The following ARHGEF3 variants were observed in gnomAD, a reference collection of about 807,000 sequenced individuals.
ARHGEF3 encodes Rho guanine nucleotide exchange factor 3, also known as 59.8 kDA protein.
ARHGEF3 carries 28 observed loss-of-function variants against 63.2 expected under a neutral mutation model. That is an observed-to-expected ratio of 0.44 (90% confidence interval 0.33 to 0.61). ARHGEF3 has a LOEUF of 0.61. Ranked by LOEUF, ARHGEF3 falls within the 20% of genes least tolerant of loss-of-function variation. ARHGEF3 has a pLI of 0.03. For synonymous variants in ARHGEF3, 266 were observed against 254.2 expected (o/e 1.05, Z -0.44); for missense variants, 533 against 659.3 (o/e 0.81, Z 2.10).
chr3:57,031,636 T>C (rs1004036092), intron 2 of ARHGEF3, among the ~76,000 whole-genome samples: 14 of 152,220 alleles, frequency 9.2e-5, no homozygotes, highest in African/African-American at 2.9e-4. Context: ...GTGCATACAA[T>C]AGTATTCAAT....
intron 4 of ARHGEF3, among the ~76,000 whole-genome samples, chr3:56,876,603 C>A (rs895958237): frequency 1.3e-5 from 2 of 152,118 alleles, no homozygotes; most frequent in South Asian, 2.1e-4. Context: ...GCACTGAGAG[C>A]TGTGAGCACA....
chr3:56,949,391 A>T (rs1051619735), intron 3 of ARHGEF3, among the ~76,000 whole-genome samples: 4 of 152,020 alleles, frequency 2.6e-5, no homozygotes, highest in South Asian at 2.1e-4. Context: ...CCATCGTCTC[A>T]GCCCAAAATC....
intron 1 of ARHGEF3, among the ~76,000 whole-genome samples, chr3:56,784,198 T>A (rs2036689264): frequency 6.6e-6 from 1 of 152,194 alleles, no homozygotes. Flanking sequence ...GAGTTCAACC[T>A]CCTTAAAAAT....
chr3:56,753,658 AT>A, intron 3 of ARHGEF3, 92 bp from the exon 4 acceptor site: 1 of 1,061,194 alleles, frequency 9.4e-7, no homozygotes, highest in East Asian at 2.4e-5. Flanking sequence ...AAAACCCCAA[AT>A]TTACATATTT....
At chr3:56,944,239 T>C (rs141531502) in intron 3 of ARHGEF3, among the ~76,000 whole-genome samples, 106 of 152,238 alleles carry the variant, frequency 7.0e-4, no homozygotes, top group Admixed American at 1.2e-3. Flanking sequence ...ATAGACAGTG[T>C]TTCCTCTGGT....
upstream of ARHGEF3, chr3:56,802,064 C>A (rs547741339): frequency 3.1e-6 from 4 of 1,278,226 alleles, no homozygotes; most frequent in East Asian, 1.3e-4. Context: ...CGTGCCGCAG[C>A]GCGGACACCT....
intron 6 of ARHGEF3, among the ~76,000 whole-genome samples, chr3:56,747,053 G>A (rs1002440938): frequency 2.8e-4 from 37 of 131,546 alleles, no homozygotes; most frequent in African/African-American, 6.2e-4. Context: ...ATACATGCGC[G>A]CACACACACA....
chr3:56,929,976 C>A (rs1290320392), intron 3 of ARHGEF3, among the ~76,000 whole-genome samples: 2 of 152,136 alleles, frequency 1.3e-5, no homozygotes, highest in African/African-American at 4.8e-5. Flanking sequence ...TCACCGATGA[C>A]CCTCTCCCAC....
intron 4 of ARHGEF3, among the ~76,000 whole-genome samples, chr3:56,876,811 C>A (rs1300988593): frequency 6.6e-6 from 1 of 152,224 alleles, no homozygotes; most frequent in East Asian, 1.9e-4. Flanking sequence ...CCATCGCCAC[C>A]AGCTCCATCC....
intron 2 of ARHGEF3, among the ~76,000 whole-genome samples, chr3:56,983,438 G>A (rs1394927477): frequency 6.6e-6 from 1 of 152,184 alleles, no homozygotes; most frequent in African/African-American, 2.4e-5. Context: ...CAGAGTTGGT[G>A]ATCCCTGGCC....
intron 2 of ARHGEF3, among the ~76,000 whole-genome samples, chr3:56,995,848 T>C (rs1211490673): frequency 2.0e-5 from 3 of 152,164 alleles, no homozygotes; most frequent in African/African-American, 7.2e-5. Context: ...GAGGACTCCT[T>C]TAGTCTAGTT....
rs191293958 is a variant in ARHGEF3 at position 56,934,634 on chromosome 3, G to A, written c.129+24189C>T. 1.6e-3 allele frequency among the ~76,000 whole-genome samples: 237 copies of A among 152,334 alleles called. 2 individuals carry two copies. Among genetic ancestry groups the A allele is most frequent in the African/African-American group, 5.4e-3 (224 of 41,590 alleles). On this transcript the variant is annotated intron_variant, in intron 3 of 12. Transcript: ENST00000338458. Reference sequence around the variant, plus strand: ...GCCAGCGGCTGCGGAGGGTGTACTGGGTCCCCCAGCAGTGCCAGCCCACCA... The same window carrying A: ...GCCAGCGGCTGCGGAGGGTGTACTGAGTCCCCCAGCAGTGCCAGCCCACCA...
chr3:57,076,526 G>T (rs147329456), intron 1 of ARHGEF3, among the ~76,000 whole-genome samples: 1 of 152,264 alleles, frequency 6.6e-6, no homozygotes, highest in Non-Finnish European at 1.5e-5. Flanking sequence ...TCCTCCAATG[G>T]TTCTCTGTCC....
chr3:56,880,421 C>A (rs2040728685), intron 4 of ARHGEF3, among the ~76,000 whole-genome samples: 1 of 152,118 alleles, frequency 6.6e-6, no homozygotes, highest in African/African-American at 2.4e-5. Flanking sequence ...AGACAAAAAT[C>A]AAATCACAAT....
chr3:56,897,029 T>C (rs1484229385), intron 3 of ARHGEF3, among the ~76,000 whole-genome samples: 8 of 152,362 alleles, frequency 5.3e-5, no homozygotes, highest in African/African-American at 1.9e-4. Context: ...CTAGTTTTAG[T>C]GTCCACTGAC....
At chr3:57,021,532 CA>C (rs1426860507) in intron 2 of ARHGEF3, among the ~76,000 whole-genome samples, 2 of 151,960 alleles carry the variant, frequency 1.3e-5, no homozygotes, top group Non-Finnish European at 2.9e-5. Context: ...CCGAGGCAGG[CA>C]GATCATGAGG....
At chr3:57,052,195 G>A (rs1049398493) in intron 1 of ARHGEF3, among the ~76,000 whole-genome samples, 12 of 152,070 alleles carry the variant, frequency 7.9e-5, no homozygotes, top group African/African-American at 2.2e-4. Context: ...GCCAGCCAGC[G>A]TGCCGCTTGT....
chr3:56,916,406 G>A (rs2041992585), intron 3 of ARHGEF3: 1 of 1,522,404 alleles, frequency 6.6e-7, no homozygotes, highest in Admixed American at 2.0e-5. Flanking sequence ...CCTGTGCACA[G>A]GATTCTCTGA....
intron 3 of ARHGEF3, among the ~76,000 whole-genome samples, chr3:56,950,200 C>A (rs1418136978): frequency 2.0e-5 from 3 of 151,950 alleles, no homozygotes; most frequent in Non-Finnish European, 4.4e-5. Flanking sequence ...CTAGCAATAC[C>A]ATTCAGGACA....
Sources: allele counts gnomAD v4.1 joint callset (sites outside exome capture counted in the v4.1 genomes callset), GRCh38; gene constraint gnomAD v4.1.1; transcripts MANE v1.5; gene names NCBI Gene and HGNC (gene_info 2026-07-23, HGNC 2026-07-21).